SLC16A12: variants seen among roughly 807,000 people sequenced by gnomAD.
SLC16A12 encodes solute carrier family 16 member 12.
SLC16A12 carries 17 observed loss-of-function variants against 42.4 expected under a neutral mutation model. The ratio of observed to expected loss-of-function variants is 0.40; its 90% confidence interval spans 0.27 to 0.60. SLC16A12 has a LOEUF of 0.60. SLC16A12 is among the 20% of genes least tolerant of loss of function. The pLI is 0.42. For missense variants in SLC16A12, 544 were observed against 623.0 expected (o/e 0.87, Z 1.35); for synonymous variants, 224 against 229.4 (o/e 0.98, Z 0.21).
Position 89,430,413 on chromosome 10 carries a change from C to T in SLC16A12, c.*2651G>A. The T allele has an allele frequency of 3.5e-6, 1 of 284,372 alleles. No homozygotes were observed. Among genetic ancestry groups the T allele is most frequent in the Non-Finnish European group, 6.9e-6 (1 of 145,498 alleles). The allele number at this position is 284,372 out of a possible 1,614,324, so 17.6% of individuals were successfully genotyped here. On this transcript the variant is annotated 3_prime_UTR_variant, in exon 8 of 8. Coordinates refer to ENST00000371790, the MANE Select transcript of SLC16A12 (RefSeq NM_213606.4). Reference sequence around the variant, plus strand: ...CAAAAAGCCCAATCATACAGTGTATCTACAAAGTTAGATAATGTCTTCTGA... The same window carrying T: ...CAAAAAGCCCAATCATACAGTGTATTTACAAAGTTAGATAATGTCTTCTGA...
At position 89,493,913 on chromosome 10, in the gene SLC16A12, G is replaced by T. The variant is rs111672453; in HGVS notation, c.-46-31289C>A. 1.2e-4 allele frequency among the ~76,000 whole-genome samples: 18 copies of T among 152,174 alleles called. No homozygotes were observed. The East Asian group carries it at 3.5e-3, about 29-fold the overall frequency. The stretch of plus-strand genomic sequence containing the variant: ...TCAAAGCAAACTATAAAAAAAAATC[G>T]ATCATCAGTTCCTCTAATGTTAAAA... On this transcript the variant is annotated intron_variant, in intron 2 of 7. Transcript: ENST00000371790.
upstream of SLC16A12, among the ~76,000 whole-genome samples, chr10:89,538,350 T>G (rs568656166): frequency 2.6e-5 from 4 of 152,374 alleles, no homozygotes; most frequent in East Asian, 7.7e-4. Flanking sequence ...TATTTACATT[T>G]TAGTTAATTA....
chr10:89,554,999 ATACCTAACCCTTGTCTG>A (rs1484912221), intron 2 of SLC16A12, among the ~76,000 whole-genome samples: 1 of 152,144 alleles, frequency 6.6e-6, no homozygotes, highest in Non-Finnish European at 1.5e-5. Flanking sequence ...CTGGTTGTCC[ATACCTAACCCTTGTCTG>A]TCTTCCTCAC....
chr10:89,461,836 C>T (rs1236167311), intron 3 of SLC16A12, among the ~76,000 whole-genome samples: 1 of 152,186 alleles, frequency 6.6e-6, no homozygotes, highest in Non-Finnish European at 1.5e-5. Flanking sequence ...CCTTTAAAAT[C>T]CCCAGAAAAG....
chr10:89,464,336 A>G (rs1175885371), intron 2 of SLC16A12, among the ~76,000 whole-genome samples: 3 of 152,158 alleles, frequency 2.0e-5, no homozygotes, highest in African/African-American at 7.2e-5. Context: ...CTATTTCTGG[A>G]TTCTGGCCCC....
chr10:89,507,527 G>C (rs1339946241), intron 2 of SLC16A12, among the ~76,000 whole-genome samples: 1 of 152,226 alleles, frequency 6.6e-6, no homozygotes, highest in East Asian at 1.9e-4. Context: ...CAAAGGCTGA[G>C]AGATTTTGTC....
chr10:89,526,309 T>C (rs1478580625), intron 2 of SLC16A12, among the ~76,000 whole-genome samples: 1 of 152,216 alleles, frequency 6.6e-6, no homozygotes, highest in Non-Finnish European at 1.5e-5. Flanking sequence ...TTCCCCAGAA[T>C]TTGATCTTTG....
At position 89,433,199 on chromosome 10, in the gene SLC16A12, C is replaced by G; in HGVS notation, c.1416G>C (p.Gln472His). 6.2e-7 allele frequency: 1 copy of G among 1,614,226 alleles called. No homozygotes were observed. The highest frequency in any genetic ancestry group is 8.5e-7 in the Non-Finnish European group (1 of 1,180,044). The change falls in exon 8 of 8, where the codon CAG (glutamine) becomes CAC (histidine). Residue 472 changes from glutamine to histidine, a missense_variant. Gln to His is a conservative substitution (Grantham distance 24). Transcript: ENST00000371790. ...LIKRMRKTQL[Q>H]FIAKESDPKL... ...TAGGATCAGATTCTTTGGCAATGAA[C>G]TGCAACTGGGTTTTTCTCATTCTCT... is the stretch of plus-strand genomic sequence containing the variant.
intron 2 of SLC16A12, among the ~76,000 whole-genome samples, chr10:89,548,687 C>T (rs1392601308): frequency 6.6e-6 from 1 of 151,974 alleles, no homozygotes; most frequent in Non-Finnish European, 1.5e-5. Context: ...GCAGTGCCAG[C>T]CATCTGTAAT....
At position 89,430,868 on chromosome 10, in the gene SLC16A12, A is replaced by C. The variant is rs774267672; in HGVS notation, c.*2196T>G. 140 of 369,754 alleles carry C rather than the reference A, an allele frequency of 3.8e-4. No homozygotes were observed. The highest frequency in any genetic ancestry group is 7.8e-5 in the Non-Finnish European group (15 of 192,136). The allele number at this position is 369,754 out of a possible 1,614,324, so 22.9% of individuals were successfully genotyped here. A position where few individuals can be genotyped will look rare whatever the true frequency, so the allele number is the denominator to read the frequency against. On this transcript the variant is annotated 3_prime_UTR_variant, in exon 8 of 8. Transcript: ENST00000371790. ...GTTGTGATCATGATAAAAAATATGTATAAGAATATTTGTAACTATTCATAT... is the reference window on the plus strand; with the variant it reads ...GTTGTGATCATGATAAAAAATATGTCTAAGAATATTTGTAACTATTCATAT...
intron 3 of SLC16A12, among the ~76,000 whole-genome samples, chr10:89,446,087 C>T: frequency 6.6e-6 from 1 of 152,114 alleles, no homozygotes; most frequent in East Asian, 1.9e-4. Flanking sequence ...AACAAAGCCT[C>T]CAAGAAATAT....
rs34798090 is a variant in SLC16A12 at position 89,431,003 on chromosome 10, ATTT to A, written c.*2058_*2060del. On this transcript the variant is annotated 3_prime_UTR_variant, in exon 8 of 8. Coordinates refer to ENST00000371790, the MANE Select transcript of SLC16A12 (RefSeq NM_213606.4). ...TTTGACATTTTACAGATACCTTCCAATTTTTTTTTTTTGAGATGGAGTCTTGCT... is the reference window on the plus strand; with the variant it reads ...TTTGACATTTTACAGATACCTTCCAATTTTTTTTTGAGATGGAGTCTTGCT... 2.4e-5 allele frequency: 6 copies of A among 254,950 alleles called. No individual in the cohort carries two copies. Among genetic ancestry groups the A allele is most frequent in the Non-Finnish European group, 4.5e-5 (6 of 132,238 alleles). The allele number at this position is 254,950 out of a possible 1,614,324, so 15.8% of individuals were successfully genotyped here. A position where few individuals can be genotyped will look rare whatever the true frequency, so the allele number is the denominator to read the frequency against.
chr10:89,544,518 A>G (rs550512748), intron 2 of SLC16A12, among the ~76,000 whole-genome samples: 2 of 152,102 alleles, frequency 1.3e-5, no homozygotes, highest in Non-Finnish European at 2.9e-5. Flanking sequence ...CTTTTATCTC[A>G]TTATTTTCTG....
At position 89,484,139 on chromosome 10, in the gene SLC16A12, T is replaced by C. The variant is rs34081475; in HGVS notation, c.-46-21515A>G. ...CACTGTCTCAAAAGAAAAAAGTTACTAAGTCTTTTTGAACTTCAGTTTTCC... is the reference window on the plus strand; with the variant it reads ...CACTGTCTCAAAAGAAAAAAGTTACCAAGTCTTTTTGAACTTCAGTTTTCC... On this transcript the variant is annotated intron_variant, in intron 2 of 7. Transcript: ENST00000371790. Among the ~76,000 whole-genome samples the C allele has an allele frequency of 6.1e-3, 929 of 152,336 alleles. 7 individuals carry two copies. The highest frequency in any genetic ancestry group is 0.01 in the Non-Finnish European group (692 of 68,032).
Position 89,440,826 on chromosome 10 carries a change from A to G in SLC16A12, c.448+282T>C, listed in dbSNP as rs185914780. On this transcript the variant is annotated intron_variant, in intron 5 of 7. Coordinates refer to ENST00000371790, the MANE Select transcript of SLC16A12 (RefSeq NM_213606.4). ...GAAAATTCATGTTGCCCTGGGTAAT[A>G]TCTTGTTTCTTCTGAGTACAGAATC... Among the ~76,000 whole-genome samples the G allele has an allele frequency of 2.0e-5, 3 of 152,318 alleles. No homozygotes were observed. In the East Asian group the frequency reaches 5.8e-4, roughly 29 times the overall value.
chr10:89,464,130 G>C (rs777417550), intron 2 of SLC16A12, among the ~76,000 whole-genome samples: 3 of 152,236 alleles, frequency 2.0e-5, no homozygotes, highest in Non-Finnish European at 2.9e-5. Context: ...TGGGCAGCCT[G>C]TAGATGCCAA....
intron 3 of SLC16A12, among the ~76,000 whole-genome samples, chr10:89,460,560 C>A (rs529045018): frequency 1.3e-5 from 2 of 151,884 alleles, no homozygotes; most frequent in Admixed American, 1.3e-4. Flanking sequence ...CCCATCTCTA[C>A]TAAAAATACA....
intron 1 of SLC16A12, among the ~76,000 whole-genome samples, chr10:89,534,967 A>G (rs771117891): frequency 2.6e-5 from 4 of 152,174 alleles, no homozygotes; most frequent in Admixed American, 6.5e-5. Context: ...TACAGGTATC[A>G]CTGGTTTATT....
At chr10:89,520,106 C>T (rs183368568) in intron 2 of SLC16A12, among the ~76,000 whole-genome samples, 1 of 151,352 alleles carries the variant, frequency 6.6e-6, no homozygotes, top group East Asian at 1.9e-4. Flanking sequence ...GAGCAAGACT[C>T]TGTCTGAAAA....
Sources: allele counts gnomAD v4.1 joint callset (sites outside exome capture counted in the v4.1 genomes callset), GRCh38; gene constraint gnomAD v4.1.1; transcripts MANE v1.5; gene names NCBI Gene and HGNC (gene_info 2026-07-23, HGNC 2026-07-21).